MOB1A: variants seen among roughly 807,000 people sequenced by gnomAD.
MOB1A encodes MOB1 Mps One Binder homolog A.
MOB1A carries 10 observed loss-of-function variants against 25.1 expected under a neutral mutation model. The observed-to-expected ratio is 0.40, with a 90% CI of 0.25 to 0.68. The LOEUF (loss-of-function observed/expected upper bound fraction) is 0.68, where lower values mean the gene tolerates loss of function less well. MOB1A is among the 30% of genes least tolerant of loss of function. The pLI, the probability that MOB1A is intolerant of heterozygous loss-of-function variation, is 0.40. For missense variants in MOB1A, 177 were observed against 256.3 expected, an observed-to-expected ratio of 0.69 and a Z score of 2.11; for synonymous variants, 81 against 79.5, an observed-to-expected ratio of 1.02 and a Z score of -0.10.
At chr2:74,177,340 G>A (rs983080302) in intron 1 of MOB1A, among the ~76,000 whole-genome samples, 1 of 151,850 alleles carries the variant, frequency 6.6e-6, no homozygotes, top group African/African-American at 2.4e-5. Context: ...AGGACAGAGC[G>A]AAACTCCGTC....
chr2:74,159,384 T>G (rs1692896831), intron 4 of MOB1A, 130 bp from the exon 5 acceptor site: 2 of 747,096 alleles, frequency 2.7e-6, no homozygotes, highest in Non-Finnish European at 4.4e-6. Context: ...CTCGACCTCC[T>G]GGGCTCAACT....
Position 74,158,388 on chromosome 2 carries a change from G to C in MOB1A, c.573+703C>G, listed in dbSNP as rs539423535. Among the ~76,000 whole-genome samples, 6 of 152,234 alleles carry C rather than the reference G, an allele frequency of 3.9e-5. No individual in the cohort carries two copies. The South Asian group carries it at 1.2e-3, about 32-fold the overall frequency. ...CATCATAAAATATCTAGACAGACAT[G>C]TATATGTAATTCAATATGCAAAATA... On this transcript the variant is annotated intron_variant, in intron 5 of 5. Coordinates refer to ENST00000396049, the MANE Select transcript of MOB1A (RefSeq NM_018221.5).
In MOB1A at chr2:74,178,826, T is replaced by C. The variant is rs986032056; in HGVS notation, c.-152A>G. 2.3e-6 allele frequency: 1 copy of C among 442,266 alleles called. No individual in the cohort carries two copies. Among genetic ancestry groups the C allele is most frequent in the Non-Finnish European group, 3.7e-6 (1 of 267,408 alleles). 27.4% of individuals were successfully genotyped at this position (442,266 alleles called of 1,614,324 possible). A position where few individuals can be genotyped will look rare whatever the true frequency, so the allele number is the denominator to read the frequency against. ...CCGGGTTTCTGGCCGCTGCGAGCCTTTGCAAACCTCGGCGCCCGCCTTGCC... is the reference window on the plus strand; with the variant it reads ...CCGGGTTTCTGGCCGCTGCGAGCCTCTGCAAACCTCGGCGCCCGCCTTGCC... On this transcript the variant is annotated 5_prime_UTR_variant, in exon 1 of 6. Transcript: ENST00000396049.
chr2:74,172,721 T>G lies in MOB1A; in HGVS notation c.46A>C (p.Lys16Gln). ...TGAGATCCTTCAGGGATATTCTTCT[T>G]TGGTTTGAATGTTTTAGAAGAGCGG... ...SSRSSKTFKP[K>Q]KNIPEGSHQY... The change falls in exon 2 of 6, where the codon AAG (lysine) becomes CAG (glutamine). Residue 16 changes from lysine to glutamine, a missense_variant. Lys to Gln is a moderately conservative substitution (Grantham distance 53). Transcript: ENST00000396049. The G allele has an allele frequency of 6.2e-7, 1 of 1,613,778 alleles. No individual in the cohort carries two copies. The highest frequency in any genetic ancestry group is 1.1e-5 in the South Asian group (1 of 90,988).
chr2:74,178,768 G>C lies in MOB1A; in HGVS notation c.-94C>G, dbSNP rs1473052969. On this transcript the variant is annotated 5_prime_UTR_variant, in exon 1 of 6. Coordinates refer to ENST00000396049, the MANE Select transcript of MOB1A (RefSeq NM_018221.5). ...AGGGAGCGGACCGTCCTTAGCTCAC[G>C]GGCAGCGGAAGCCGGGCCGCCGCCG... 1 of 655,962 alleles carries C rather than the reference G, an allele frequency of 1.5e-6. No individual in the cohort carries two copies. Among genetic ancestry groups the C allele is most frequent in the South Asian group, 7.7e-5 (1 of 12,928 alleles). 40.6% of individuals were successfully genotyped at this position (655,962 alleles called of 1,614,324 possible).
At chr2:74,161,917 A>G (rs558743014) in intron 4 of MOB1A, among the ~76,000 whole-genome samples, 15 of 152,212 alleles carry the variant, frequency 9.9e-5, no homozygotes, top group African/African-American at 3.6e-4. Context: ...TAACTGCACC[A>G]CTGCACTCTA....
intron 2 of MOB1A, among the ~76,000 whole-genome samples, chr2:74,170,931 T>C (rs1293852372): frequency 6.6e-6 from 1 of 151,722 alleles, no homozygotes; most frequent in South Asian, 2.1e-4. Flanking sequence ...CACACAGGCC[T>C]CTTTGGATCC....
In MOB1A at chr2:74,163,719, T is replaced by C. The variant is rs139727275; in HGVS notation, c.409+1499A>G. Among the ~76,000 whole-genome samples the C allele has an allele frequency of 2.6e-5, 4 of 151,774 alleles. No homozygotes were observed. In the East Asian group the frequency reaches 7.7e-4, roughly 29 times the overall value. ...AACCAGCTGGAAACCAGATTATCAATAAAAGACATAAAATCCCTAGAATAA... is the reference window on the plus strand; with the variant it reads ...AACCAGCTGGAAACCAGATTATCAACAAAAGACATAAAATCCCTAGAATAA... On this transcript the variant is annotated intron_variant, in intron 4 of 5. Transcript: ENST00000396049.
chr2:74,175,514 A>G (rs1693427068), intron 1 of MOB1A, among the ~76,000 whole-genome samples: 1 of 152,186 alleles, frequency 6.6e-6, no homozygotes, highest in Non-Finnish European at 1.5e-5. Context: ...ATAAAGTGTA[A>G]CATTTTGGGA....
In MOB1A at chr2:74,154,593, T is replaced by A. The variant is rs1295446733; in HGVS notation, c.*1975A>T. ...ATGGAGAAAAGTGGTAACTCTTTTG[T>A]TTGAGAATATTTGAAATACTAGAAA... On this transcript the variant is annotated 3_prime_UTR_variant, in exon 6 of 6. Coordinates refer to ENST00000396049, the MANE Select transcript of MOB1A (RefSeq NM_018221.5). 6.6e-6 allele frequency: 1 copy of A among 152,146 alleles called. No homozygotes were observed. Among genetic ancestry groups the A allele is most frequent in the East Asian group, 1.9e-4 (1 of 5,202 alleles). 9.4% of individuals were successfully genotyped at this position (152,146 alleles called of 1,614,324 possible).
At chr2:74,164,508 ACT>A (rs1225013369) in intron 4 of MOB1A, 4 of 147,156 alleles carry the variant, frequency 2.7e-5, no homozygotes, top group Admixed American at 2.2e-4. Flanking sequence ...ACAGAGTGAG[ACT>A]CTGTCTCAAA....
At chr2:74,166,310 A>G (rs1297208528) in intron 3 of MOB1A, among the ~76,000 whole-genome samples, 1 of 152,210 alleles carries the variant, frequency 6.6e-6, no homozygotes, top group Non-Finnish European at 1.5e-5. Flanking sequence ...AGCACAAGAA[A>G]AAATAATCAA....
chr2:74,166,886 T>C, intron 3 of MOB1A, 128 bp downstream of exon 3: 1 of 630,120 alleles, frequency 1.6e-6, no homozygotes, highest in Non-Finnish European at 2.8e-6. Context: ...TACAGGTGAG[T>C]AGTCAAGAAC....
intron 4 of MOB1A, among the ~76,000 whole-genome samples, chr2:74,162,407 G>T (rs1426329649): frequency 6.6e-6 from 1 of 152,172 alleles, no homozygotes; most frequent in Non-Finnish European, 1.5e-5. Context: ...CTTCAACCCA[G>T]GAAGTGGAGG....
intron 3 of MOB1A, among the ~76,000 whole-genome samples, 154 bp from the exon 4 acceptor site, chr2:74,165,505 C>T (rs1421083471): frequency 1.3e-5 from 2 of 152,058 alleles, no homozygotes; most frequent in Admixed American, 6.6e-5. Flanking sequence ...CTGTGAGTTC[C>T]CTATGTAATT....
chr2:74,173,601 C>T (rs1202027338), intron 1 of MOB1A, among the ~76,000 whole-genome samples: 3 of 150,962 alleles, frequency 2.0e-5, no homozygotes, highest in African/African-American at 7.3e-5. Flanking sequence ...AGGCTGGTGT[C>T]GAACTCCTGA....
intron 4 of MOB1A, among the ~76,000 whole-genome samples, chr2:74,163,430 A>C (rs1693032265): frequency 6.6e-6 from 1 of 152,172 alleles, no homozygotes; most frequent in Admixed American, 6.5e-5. Context: ...TGAGCCCTGG[A>C]GTTCGAGACC....
intron 1 of MOB1A, chr2:74,173,207 T>C (rs528993416): frequency 9.7e-6 from 5 of 518,108 alleles, no homozygotes; most frequent in South Asian, 4.2e-5. Context: ...GAATGCTTTT[T>C]TTCCCCTGCC....
chr2:74,158,607 C>T (rs1002581030), intron 5 of MOB1A, among the ~76,000 whole-genome samples: 3 of 151,860 alleles, frequency 2.0e-5, no homozygotes, highest in South Asian at 2.1e-4. Context: ...TGGGAAACCC[C>T]GTCTCTACTA....
Sources: allele counts gnomAD v4.1 joint callset (sites outside exome capture counted in the v4.1 genomes callset), GRCh38; gene constraint gnomAD v4.1.1; transcripts MANE v1.5; gene names NCBI Gene and HGNC (gene_info 2026-07-23, HGNC 2026-07-21).